CDH18: variants seen among roughly 807,000 people sequenced by gnomAD.
CDH18 encodes the protein cadherin-18.
Under a neutral mutation model 67.9 loss-of-function variants are expected in CDH18, and 31 were observed. The observed-to-expected ratio is 0.46, with a 90% CI of 0.34 to 0.62. The LOEUF is 0.62. Ranked by LOEUF, CDH18 falls within the 20% of genes least tolerant of loss-of-function variation. CDH18 has a pLI of 0.01. For missense variants in CDH18, 890 were observed against 975.5 expected (o/e 0.91, Z 1.17); for synonymous variants, 362 against 347.2 (o/e 1.04, Z -0.48).
At chr5:19,754,125 A>G (rs1771216658) in intron 3 of CDH18, among the ~76,000 whole-genome samples, 1 of 152,190 alleles carries the variant, frequency 6.6e-6, no homozygotes, top group Admixed American at 6.5e-5. Flanking sequence ...CAAGATACAC[A>G]GGCAACATTA....
intron 2 of CDH18, among the ~76,000 whole-genome samples, chr5:19,962,310 T>C (rs1361531567): frequency 8.2e-6 from 1 of 121,844 alleles, no homozygotes; most frequent in Non-Finnish European, 1.6e-5. Flanking sequence ...AAACATTTAA[T>C]AAATTAAATT....
chr5:20,168,222 A>G (rs1736445110), intron 2 of CDH18, among the ~76,000 whole-genome samples: 2 of 152,120 alleles, frequency 1.3e-5, no homozygotes, highest in Non-Finnish European at 2.9e-5. Context: ...ACGCAACATA[A>G]CTTCTAAAAT....
chr5:19,873,161 T>C (rs1373251856), intron 2 of CDH18, among the ~76,000 whole-genome samples: 2 of 150,554 alleles, frequency 1.3e-5, no homozygotes, highest in Non-Finnish European at 1.5e-5. Context: ...AGCTCATGTA[T>C]ATGGATGCAG....
intron 1 of CDH18, among the ~76,000 whole-genome samples, chr5:20,376,839 A>G (rs1220221538): frequency 6.6e-6 from 1 of 151,882 alleles, no homozygotes; most frequent in African/African-American, 2.4e-5. Flanking sequence ...CAACATGGTG[A>G]AACCCCATCT....
At chr5:20,304,786 G>A in intron 1 of CDH18, 1 of 1,610,784 alleles carries the variant, frequency 6.2e-7, no homozygotes. Flanking sequence ...AACAAGGGAA[G>A]GAGACCGTGT....
At chr5:19,537,616 C>G (rs998088537) in intron 9 of CDH18, among the ~76,000 whole-genome samples, 3 of 152,094 alleles carry the variant, frequency 2.0e-5, no homozygotes, top group African/African-American at 7.2e-5. Context: ...GCATTATCCT[C>G]CCTATGAAAC....
intron 2 of CDH18, among the ~76,000 whole-genome samples, chr5:19,927,056 G>C (rs979017530): frequency 6.6e-6 from 1 of 152,056 alleles, no homozygotes; most frequent in Non-Finnish European, 1.5e-5. Context: ...ACAGTGTCGA[G>C]AATTTTTACA....
chr5:19,773,412 G>C (rs1773947558), intron 3 of CDH18, among the ~76,000 whole-genome samples: 2 of 152,050 alleles, frequency 1.3e-5, no homozygotes, highest in South Asian at 4.1e-4. Flanking sequence ...ACTTTAGAAA[G>C]GTAAAACAAA....
At chr5:20,286,344 C>T (rs1259738118) in intron 1 of CDH18, among the ~76,000 whole-genome samples, 1 of 151,502 alleles carries the variant, frequency 6.6e-6, no homozygotes, top group Non-Finnish European at 1.5e-5. Flanking sequence ...TGATTAGCTG[C>T]TACTTATAAT....
chr5:20,395,707 G>A (rs1198521867), intron 1 of CDH18, among the ~76,000 whole-genome samples: 1 of 152,136 alleles, frequency 6.6e-6, no homozygotes, highest in African/African-American at 2.4e-5. Context: ...TTAATGAGAT[G>A]ACTGGTGGCT....
intron 1 of CDH18, among the ~76,000 whole-genome samples, chr5:20,475,030 ATG>A (rs139166411): frequency 0.16 from 24,472 of 151,962 alleles, 2,469 homozygotes; most frequent in Non-Finnish European, 0.22. Flanking sequence ...ATTTGATTAT[ATG>A]TGTGTTTATT....
chr5:19,857,381 T>C (rs568712163), intron 2 of CDH18, among the ~76,000 whole-genome samples: 1 of 152,286 alleles, frequency 6.6e-6, no homozygotes, highest in East Asian at 1.9e-4. Context: ...CATAGGCTAG[T>C]AAATTGACTT....
intron 3 of CDH18, among the ~76,000 whole-genome samples, chr5:19,786,227 T>G (rs1349443098): frequency 6.6e-6 from 1 of 152,108 alleles, no homozygotes. Flanking sequence ...AATGAATAAT[T>G]TTATATTTAA....
chr5:20,242,136 A>T (rs1020287573), intron 2 of CDH18, among the ~76,000 whole-genome samples: 2 of 151,736 alleles, frequency 1.3e-5, no homozygotes, highest in Non-Finnish European at 2.9e-5. Context: ...TGGAAATAAA[A>T]GTTTTTTAAA....
At chr5:19,812,369 CTT>C (rs1177059321) in intron 3 of CDH18, among the ~76,000 whole-genome samples, 1 of 151,956 alleles carries the variant, frequency 6.6e-6, no homozygotes, top group Non-Finnish European at 1.5e-5. Context: ...TTAAAAATAA[CTT>C]GGTGTATTAT....
At chr5:20,539,533 G>A (rs1561109654) in intron 1 of CDH18, among the ~76,000 whole-genome samples, 1 of 152,066 alleles carries the variant, frequency 6.6e-6, no homozygotes, top group Non-Finnish European at 1.5e-5. Flanking sequence ...AACAAGAAAT[G>A]GGTTGTTATA....
intron 2 of CDH18, among the ~76,000 whole-genome samples, chr5:20,150,379 A>C (rs576759465): frequency 2.0e-5 from 3 of 152,228 alleles, no homozygotes; most frequent in African/African-American, 4.8e-5. Context: ...AGACAGTAAC[A>C]TCAGAGATTT....
chr5:19,533,361 T>C (rs1748941882), intron 9 of CDH18, among the ~76,000 whole-genome samples: 1 of 152,100 alleles, frequency 6.6e-6, no homozygotes, highest in South Asian at 2.1e-4. Flanking sequence ...TGTGCTGAAG[T>C]AGCAAAGTCA....
intron 3 of CDH18, among the ~76,000 whole-genome samples, chr5:19,772,763 T>C (rs1472561442): frequency 1.3e-5 from 2 of 152,230 alleles, no homozygotes; most frequent in African/African-American, 4.8e-5. Context: ...AGTAATAGAA[T>C]GTAGATTTGA....
Sources: gnomAD v4.1 joint callset for allele counts (sites outside exome capture counted in the v4.1 genomes callset) on GRCh38, gnomAD v4.1.1 for gene constraint, MANE v1.5 for transcripts, NCBI Gene and HGNC (gene_info 2026-07-23, HGNC 2026-07-21) for gene names.